Variants in GNB5 observed in about 807,000 individuals in gnomAD.
The protein encoded by GNB5 is G protein subunit beta 5.
Under a neutral mutation model 55.3 loss-of-function variants are expected in GNB5, and 37 were observed. The observed-to-expected ratio is 0.67, with a 90% confidence interval of 0.51 to 0.88. The LOEUF (loss-of-function observed/expected upper bound fraction) is 0.88. GNB5 is among the 40% of genes least tolerant of loss of function. The pLI, the probability that GNB5 is intolerant of heterozygous loss-of-function variation, is 0.00. For missense variants in GNB5, 476 were observed against 515.3 expected, an observed-to-expected ratio of 0.92 and a Z score of 0.74; for synonymous variants, 219 against 198.5, an observed-to-expected ratio of 1.10 and a Z score of -0.87.
At chr15:52,151,558 T>C (rs2034097623) in intron 4 of GNB5, among the ~76,000 whole-genome samples, 1 of 152,160 alleles carries the variant, frequency 6.6e-6, no homozygotes. Context: ...TCCAGAGGCT[T>C]CCTGCTTTCC....
chr15:52,187,433 A>G (rs1249827089), intron 1 of GNB5, among the ~76,000 whole-genome samples: 1 of 152,134 alleles, frequency 6.6e-6, no homozygotes, highest in Admixed American at 6.5e-5. Flanking sequence ...AGAAGAGGAA[A>G]TGAGCTGCGG....
intron 6 of GNB5, among the ~76,000 whole-genome samples, chr15:52,141,602 T>C (rs1233693474): frequency 6.6e-6 from 1 of 151,534 alleles, no homozygotes; most frequent in Non-Finnish European, 1.5e-5. Flanking sequence ...TCAAACCTAC[T>C]GTAAAACTGA....
chr15:52,139,951 C>A, intron 7 of GNB5: 3 of 1,283,338 alleles, frequency 2.3e-6, no homozygotes, highest in Non-Finnish European at 3.0e-6. Context: ...TAAATGTCCT[C>A]TGTTGCTTTG....
intron 9 of GNB5, among the ~76,000 whole-genome samples, chr15:52,129,796 G>A (rs942864858): frequency 6.6e-6 from 1 of 152,162 alleles, no homozygotes; most frequent in Non-Finnish European, 1.5e-5. Flanking sequence ...GGTGCTACTG[G>A]AATTCAGTGG....
intron 6 of GNB5, among the ~76,000 whole-genome samples, chr15:52,143,176 A>AC (rs969585455): frequency 3.3e-5 from 5 of 151,952 alleles, no homozygotes; most frequent in East Asian, 3.9e-4. Flanking sequence ...GAAAAAAAAA[A>AC]AACAGAATGT....
intron 1 of GNB5, among the ~76,000 whole-genome samples, chr15:52,185,328 G>T (rs2034829505): frequency 6.6e-6 from 1 of 152,268 alleles, no homozygotes; most frequent in Non-Finnish European, 1.5e-5. Context: ...ACTGAGGCTA[G>T]TTAGCTGACC....
At chr15:52,190,157 G>A (rs1428355131) in intron 1 of GNB5, among the ~76,000 whole-genome samples, 6 of 142,680 alleles carry the variant, frequency 4.2e-5, no homozygotes, top group African/African-American at 1.3e-4. Flanking sequence ...TTGCTCTGTC[G>A]CCCAGGTTGG....
chr15:52,139,973 GC>G lies in GNB5; in HGVS notation c.627+1166del, dbSNP rs780538487. ...CCTCTGTTGCTTTGGTTTGCCTCAG[GC>G]CCAAAGACATCTCATTTTGGCCACT... On this transcript the variant is annotated intron_variant, in intron 7 of 12. Coordinates refer to ENST00000261837, the MANE Select transcript of GNB5 (RefSeq NM_016194.4). 47 of 1,262,296 alleles carry G rather than the reference GC, an allele frequency of 3.7e-5. No homozygotes were observed. In the African/African-American group the frequency reaches 6.8e-4, roughly 18 times the overall value. 78.2% of individuals were successfully genotyped at this position (1,262,296 alleles called of 1,614,324 possible). A position where few individuals can be genotyped will look rare whatever the true frequency, so the allele number is the denominator to read the frequency against.
chr15:52,182,985 C>T (rs140908440), intron 2 of GNB5, among the ~76,000 whole-genome samples: 3,494 of 152,266 alleles, frequency 0.023, 61 homozygotes, highest in Middle Eastern at 0.051. Flanking sequence ...AACCCTCTCT[C>T]TACTAAAAAT....
At chr15:52,172,563 T>C (rs1490314876) in intron 3 of GNB5, among the ~76,000 whole-genome samples, 2 of 151,996 alleles carry the variant, frequency 1.3e-5, no homozygotes, top group Non-Finnish European at 2.9e-5. Context: ...GTGGATCGCT[T>C]GAGCCCAGGA....
intron 3 of GNB5, among the ~76,000 whole-genome samples, chr15:52,178,607 A>G (rs1566950149): frequency 6.6e-6 from 1 of 151,994 alleles, no homozygotes; most frequent in African/African-American, 2.4e-5. Context: ...AAGAAAAGTA[A>G]CTCTCAATTT....
intron 11 of GNB5, chr15:52,125,310 C>T (rs2033394400): frequency 6.6e-6 from 1 of 152,314 alleles, no homozygotes; most frequent in South Asian, 2.1e-4. Flanking sequence ...GAGTCAGAGT[C>T]TCGCTCTGTT....
intron 3 of GNB5, among the ~76,000 whole-genome samples, chr15:52,178,767 C>G (rs1001790945): frequency 1.2e-4 from 18 of 152,202 alleles, no homozygotes; most frequent in African/African-American, 4.3e-4. Context: ...CTTCAGAGAT[C>G]AAAAGGTAAA....
intron 9 of GNB5, among the ~76,000 whole-genome samples, chr15:52,132,488 GTTTTTT>G (rs75509196): frequency 7.5e-6 from 1 of 134,056 alleles, no homozygotes; most frequent in South Asian, 2.4e-4. Flanking sequence ...GTTTGTTTGG[GTTTTTT>G]TTTTTTTTTT....
At chr15:52,143,762 T>A (rs2033910628) in intron 6 of GNB5, 1 of 152,210 alleles carries the variant, frequency 6.6e-6, no homozygotes, top group Non-Finnish European at 1.5e-5. Flanking sequence ...TGTCACACAG[T>A]CATGGTTGGG....
rs12396 is a variant in GNB5 at position 52,121,119 on chromosome 15, G to T, written c.*1638C>A. The T allele has an allele frequency of 6.6e-6, 1 of 151,998 alleles. No homozygotes were observed. The highest frequency in any genetic ancestry group is 1.5e-5 in the Non-Finnish European group (1 of 67,980). The allele number at this position is 151,998 out of a possible 1,614,324, so 9.4% of individuals were successfully genotyped here. On this transcript the variant is annotated 3_prime_UTR_variant, in exon 13 of 13. Transcript: ENST00000261837. ...TATGGCTGTGCCCAGCTCCAGCTCTGGAAGAGTCTCTCTGAGGAGCAGGGC... is the reference window on the plus strand; with the variant it reads ...TATGGCTGTGCCCAGCTCCAGCTCTTGAAGAGTCTCTCTGAGGAGCAGGGC...
chr15:52,160,532 A>G (rs1002785480), intron 3 of GNB5, among the ~76,000 whole-genome samples: 9 of 152,218 alleles, frequency 5.9e-5, no homozygotes, highest in Non-Finnish European at 1.3e-4. Context: ...GTGAATGAAA[A>G]GAGGGGTTGT....
intron 3 of GNB5, among the ~76,000 whole-genome samples, chr15:52,154,939 G>C (rs2034176091): frequency 6.6e-6 from 1 of 152,208 alleles, no homozygotes; most frequent in Non-Finnish European, 1.5e-5. Flanking sequence ...CTTTCTAGGG[G>C]CTTGCAGAGA....
intron 3 of GNB5, among the ~76,000 whole-genome samples, chr15:52,163,621 C>G (rs1338808498): frequency 6.6e-6 from 1 of 152,234 alleles, no homozygotes; most frequent in Admixed American, 6.5e-5. Context: ...TGTGGCAGAT[C>G]ATGGCCAGAC....
Sources: allele counts gnomAD v4.1 joint callset (sites outside exome capture counted in the v4.1 genomes callset), GRCh38; gene constraint gnomAD v4.1.1; transcripts MANE v1.5; gene names NCBI Gene and HGNC (gene_info 2026-07-23, HGNC 2026-07-21).